NKAIN2: variants seen among roughly 807,000 people sequenced by gnomAD.
NKAIN2 encodes sodium/potassium transporting ATPase interacting 2.
In NKAIN2, 14 loss-of-function variants were observed where a neutral mutation model predicts 32.6. That is an observed-to-expected ratio of 0.43 (90% CI 0.28 to 0.67). NKAIN2 has a LOEUF of 0.67. NKAIN2 is among the 30% of genes least tolerant of loss of function. The probability of loss-of-function intolerance (pLI) is 0.17; values close to 1 mark genes in which losing one functional copy is unlikely to be tolerated. For missense variants in NKAIN2, 198 were observed against 258.3 expected, an observed-to-expected ratio of 0.77 and a Z score of 1.60; for synonymous variants, 80 against 87.2, an observed-to-expected ratio of 0.92 and a Z score of 0.46.
At position 124,618,020 on chromosome 6, in the gene NKAIN2, G is replaced by A. The variant is rs548675402; in HGVS notation, c.274-40166G>A. 4.9e-4 allele frequency among the ~76,000 whole-genome samples: 74 copies of A among 152,156 alleles called. No homozygotes were observed. In the South Asian group the frequency reaches 0.014, roughly 29 times the overall value. On this transcript the variant is annotated intron_variant, in intron 3 of 6. Coordinates refer to ENST00000368417, the MANE Select transcript of NKAIN2 (RefSeq NM_001040214.3). ...CAGTTGCACAAATGAATACAAAAGCGATATTTTATTCAAAAATAAACGCTC... is the reference window on the plus strand; with the variant it reads ...CAGTTGCACAAATGAATACAAAAGCAATATTTTATTCAAAAATAAACGCTC...
chr6:124,406,403 C>T (rs1484426975), intron 3 of NKAIN2, among the ~76,000 whole-genome samples: 2 of 151,910 alleles, frequency 1.3e-5, no homozygotes, highest in African/African-American at 4.8e-5. Context: ...CAGCATATAC[C>T]AATAGTTAAT....
intron 5 of NKAIN2, among the ~76,000 whole-genome samples, chr6:124,799,692 G>C (rs907855186): frequency 6.6e-6 from 1 of 152,176 alleles, no homozygotes; most frequent in Admixed American, 6.5e-5. Context: ...GAATATTTCT[G>C]GCAGGGTAAG....
chr6:124,027,393 A>G (rs1361538857), intron 1 of NKAIN2, among the ~76,000 whole-genome samples: 1 of 152,052 alleles, frequency 6.6e-6, no homozygotes, highest in Non-Finnish European at 1.5e-5. Flanking sequence ...TGCCCGCCTC[A>G]GCCTCCCAAA....
chr6:124,145,284 A>G (rs1051832418), intron 1 of NKAIN2, among the ~76,000 whole-genome samples: 5 of 152,170 alleles, frequency 3.3e-5, no homozygotes, highest in Admixed American at 1.3e-4. Flanking sequence ...CATTTATTCC[A>G]CAACATTTAT....
rs538315486 is a variant in NKAIN2, at chr6:124,728,873, G to A, written c.475-62466G>A. The stretch of plus-strand genomic sequence containing the variant: ...AGACGCAATAAAAAATGATAAAGGG[G>A]ATATCACCACCGATCCCACAGAAAT... On this transcript the variant is annotated intron_variant, in intron 4 of 6. Transcript: ENST00000368417. Among the ~76,000 whole-genome samples the A allele has an allele frequency of 1.8e-3, 267 of 150,872 alleles. 1 individual carries two copies. The highest frequency in any genetic ancestry group is 8.0e-4 in the Non-Finnish European group (54 of 67,794).
chr6:123,816,544 T>G (rs1773702861), intron 1 of NKAIN2, among the ~76,000 whole-genome samples: 1 of 152,130 alleles, frequency 6.6e-6, no homozygotes, highest in African/African-American at 2.4e-5. Context: ...CACCCAACTT[T>G]CTAAGAATTG....
At chr6:124,536,797 T>C (rs925020106) in intron 3 of NKAIN2, among the ~76,000 whole-genome samples, 1 of 152,150 alleles carries the variant, frequency 6.6e-6, no homozygotes, top group African/African-American at 2.4e-5. Context: ...AGAAATGCCT[T>C]CCATTCTGTG....
chr6:124,284,466 G>T (rs1795452421), intron 2 of NKAIN2, among the ~76,000 whole-genome samples: 2 of 151,900 alleles, frequency 1.3e-5, no homozygotes, highest in African/African-American at 4.8e-5. Flanking sequence ...TTAATTAATT[G>T]ATATATATTA....
chr6:124,196,059 T>C (rs988953646), intron 1 of NKAIN2, among the ~76,000 whole-genome samples: 8 of 152,148 alleles, frequency 5.3e-5, no homozygotes, highest in African/African-American at 1.9e-4. Context: ...ATTATGGGTT[T>C]AAGAAAAGCT....
intron 1 of NKAIN2, among the ~76,000 whole-genome samples, chr6:123,858,908 A>AT (rs968379052): frequency 3.3e-5 from 5 of 151,964 alleles, no homozygotes; most frequent in African/African-American, 9.7e-5. Context: ...AGGTGAACTC[A>AT]TTTTTTTTAG....
intron 1 of NKAIN2, among the ~76,000 whole-genome samples, chr6:124,037,326 C>T (rs952277945): frequency 6.6e-6 from 1 of 152,150 alleles, no homozygotes; most frequent in East Asian, 1.9e-4. Context: ...CTTTTAATGA[C>T]ATCTGACATG....
At chr6:124,622,594 C>G (rs1783148112) in intron 3 of NKAIN2, among the ~76,000 whole-genome samples, 1 of 152,116 alleles carries the variant, frequency 6.6e-6, no homozygotes, top group South Asian at 2.1e-4. Flanking sequence ...AAGTTACTGC[C>G]CAGCGTCTGG....
chr6:124,343,950 T>C (rs1798272602), intron 2 of NKAIN2, among the ~76,000 whole-genome samples: 1 of 150,274 alleles, frequency 6.7e-6, no homozygotes, highest in Non-Finnish European at 1.5e-5. Context: ...TCTTCTAAAG[T>C]TTTTATGGTT....
intron 4 of NKAIN2, among the ~76,000 whole-genome samples, chr6:124,704,928 G>T (rs1359837916): frequency 6.6e-6 from 1 of 151,848 alleles, no homozygotes; most frequent in African/African-American, 2.4e-5. Context: ...ATGGAAAAAT[G>T]GAAACTTTCT....
At chr6:124,474,546 C>T (rs1007600363) in intron 3 of NKAIN2, among the ~76,000 whole-genome samples, 6 of 152,098 alleles carry the variant, frequency 3.9e-5, no homozygotes, top group Non-Finnish European at 8.8e-5. Flanking sequence ...CACACAAGCA[C>T]ACACCCTTTA....
chr6:123,915,622 A>G (rs1775452008), intron 1 of NKAIN2, among the ~76,000 whole-genome samples: 1 of 152,184 alleles, frequency 6.6e-6, no homozygotes, highest in African/African-American at 2.4e-5. Flanking sequence ...ACTTACTCCA[A>G]GATATACACG....
intron 3 of NKAIN2, among the ~76,000 whole-genome samples, chr6:124,625,941 A>T (rs1180640783): frequency 6.6e-6 from 1 of 151,624 alleles, no homozygotes; most frequent in East Asian, 1.9e-4. Context: ...TTGTTTTTTT[A>T]AAAATTTTAT....
intron 1 of NKAIN2, among the ~76,000 whole-genome samples, chr6:123,882,227 C>T (rs1773487629): frequency 6.6e-6 from 1 of 151,906 alleles, no homozygotes; most frequent in Admixed American, 6.6e-5. Context: ...GTAGTCATAA[C>T]TTGGATAAAC....
chr6:124,244,967 A>T (rs1201665896), intron 1 of NKAIN2, among the ~76,000 whole-genome samples: 1 of 151,960 alleles, frequency 6.6e-6, no homozygotes, highest in Non-Finnish European at 1.5e-5. Flanking sequence ...TTAATCCACA[A>T]CTCAGCCACT....
Sources: gnomAD v4.1 joint callset for allele counts (sites outside exome capture counted in the v4.1 genomes callset) on GRCh38, gnomAD v4.1.1 for gene constraint, MANE v1.5 for transcripts, NCBI Gene and HGNC (gene_info 2026-07-23, HGNC 2026-07-21) for gene names.